Variants in RPS6KC1 observed in about 807,000 individuals in gnomAD.
RPS6KC1 encodes inactive ribosomal protein S6 kinase delta-1.
Under a neutral mutation model 103.8 loss-of-function variants are expected in RPS6KC1, and 54 were observed. The ratio of observed to expected loss-of-function variants is 0.52; its 90% CI spans 0.42 to 0.65. The LOEUF is 0.65. Among genes scored for constraint, RPS6KC1 ranks in the 30% least tolerant of loss-of-function variants. The pLI is 0.00. For missense variants in RPS6KC1, 1,151 were observed against 1,253.8 expected (o/e 0.92, Z 1.24); for synonymous variants, 439 against 438.7 (o/e 1.00, Z -0.01).
the RPS6KC1 span, among the ~76,000 whole-genome samples, chr1:213,643,260 ATCT>A: frequency 9.9e-5 from 15 of 152,092 alleles, 1 homozygote; most frequent in Admixed American, 9.8e-4. Flanking sequence ...ATTAATTTGA[ATCT>A]TCTCATCCAT....
At chr1:213,271,628 G>C (rs1316476357) in intron 14 of RPS6KC1, among the ~76,000 whole-genome samples, 1 of 152,144 alleles carries the variant, frequency 6.6e-6, no homozygotes, top group Non-Finnish European at 1.5e-5. Flanking sequence ...GCCGGGCATG[G>C]TGGCGCGCGC....
chr1:213,074,796 T>C, intron 2 of RPS6KC1, among the ~76,000 whole-genome samples: 1 of 151,022 alleles, frequency 6.6e-6, no homozygotes, highest in East Asian at 1.9e-4. Flanking sequence ...TAAATTTTGC[T>C]CCTTAAGTTT....
the RPS6KC1 span, chr1:213,492,633 T>C: frequency 2.0e-5 from 3 of 152,236 alleles, no homozygotes; most frequent in Non-Finnish European, 4.4e-5. Context: ...ACTTGTGGTG[T>C]TTGAATGTCA....
intron 6 of RPS6KC1, among the ~76,000 whole-genome samples, chr1:213,146,799 A>G (rs1336976280): frequency 6.6e-6 from 1 of 151,080 alleles, no homozygotes; most frequent in Non-Finnish European, 1.5e-5. Context: ...GCTTGTACTA[A>G]TTTACGTTCC....
the RPS6KC1 span, among the ~76,000 whole-genome samples, chr1:213,495,493 T>C: frequency 5.9e-5 from 9 of 152,310 alleles, no homozygotes; most frequent in South Asian, 1.9e-3. Context: ...GGCTAATTTT[T>C]GTATTTTTAG....
chr1:213,762,986 G>A, the RPS6KC1 span, among the ~76,000 whole-genome samples: 1 of 151,622 alleles, frequency 6.6e-6, no homozygotes, highest in Non-Finnish European at 1.5e-5. Flanking sequence ...AGCCTCCCAA[G>A]TAGCTGGGAT....
At chr1:213,414,848 A>T in the RPS6KC1 span, among the ~76,000 whole-genome samples, 3 of 152,244 alleles carry the variant, frequency 2.0e-5, no homozygotes. Context: ...CTTTTCCATA[A>T]CTTGGAAAAC....
At chr1:213,394,627 G>A in the RPS6KC1 span, among the ~76,000 whole-genome samples, 2 of 152,154 alleles carry the variant, frequency 1.3e-5, no homozygotes, top group African/African-American at 4.8e-5. Flanking sequence ...TTGCAGCCTG[G>A]GAAGTCAGGT....
chr1:213,091,185 G>A (rs550916780), intron 3 of RPS6KC1, among the ~76,000 whole-genome samples: 2 of 151,958 alleles, frequency 1.3e-5, no homozygotes, highest in Non-Finnish European at 2.9e-5. Context: ...AGCCTCCCGA[G>A]TAGCTGGGAC....
chr1:213,805,056 C>A, the RPS6KC1 span, among the ~76,000 whole-genome samples: 197 of 152,260 alleles, frequency 1.3e-3, 1 homozygote, highest in East Asian at 0.011. Flanking sequence ...GTCTAAGAAA[C>A]AATGTATATA....
the RPS6KC1 span, among the ~76,000 whole-genome samples, chr1:213,693,720 A>C: frequency 3.9e-5 from 6 of 152,230 alleles, no homozygotes; most frequent in African/African-American, 1.4e-4. Flanking sequence ...GACATTGGGA[A>C]GAATACCTTT....
At chr1:213,108,248 C>T (rs1030763174) in intron 4 of RPS6KC1, among the ~76,000 whole-genome samples, 1 of 152,070 alleles carries the variant, frequency 6.6e-6, no homozygotes, top group Non-Finnish European at 1.5e-5. Context: ...GTCTGTGATT[C>T]ATTTTTAGTT....
chr1:213,686,490 A>G, the RPS6KC1 span, among the ~76,000 whole-genome samples: 96 of 152,300 alleles, frequency 6.3e-4, 1 homozygote, highest in African/African-American at 2.1e-3. Context: ...GTAGAGAATC[A>G]GGAGAAGTGA....
chr1:213,546,514 C>G, the RPS6KC1 span: 1 of 152,094 alleles, frequency 6.6e-6, no homozygotes, highest in Non-Finnish European at 1.5e-5. Flanking sequence ...GTGGCTGTAC[C>G]CAACATATAT....
intron 8 of RPS6KC1, among the ~76,000 whole-genome samples, chr1:213,198,736 T>C (rs2093044863): frequency 6.6e-6 from 1 of 152,184 alleles, no homozygotes; most frequent in South Asian, 2.1e-4. Context: ...ACCAGATGGT[T>C]TTACTGTTGA....
At chr1:213,540,782 G>C in the RPS6KC1 span, among the ~76,000 whole-genome samples, 5 of 151,140 alleles carry the variant, frequency 3.3e-5, no homozygotes, top group African/African-American at 4.8e-5. Flanking sequence ...GTCAAAATTG[G>C]AGTCAATCCT....
intron 8 of RPS6KC1, among the ~76,000 whole-genome samples, chr1:213,198,012 G>T (rs2093018458): frequency 6.6e-6 from 1 of 151,986 alleles, no homozygotes; most frequent in Non-Finnish European, 1.5e-5. Context: ...TGAAAACCAT[G>T]GCCTTTTTTT....
At chr1:213,092,140 G>A (rs1258765363) in intron 3 of RPS6KC1, among the ~76,000 whole-genome samples, 4 of 152,158 alleles carry the variant, frequency 2.6e-5, no homozygotes, top group Non-Finnish European at 4.4e-5. Context: ...TGCTTTTGTA[G>A]TAGTATTATT....
chr1:213,483,815 G>T, the RPS6KC1 span, among the ~76,000 whole-genome samples: 6 of 152,350 alleles, frequency 3.9e-5, no homozygotes, highest in African/African-American at 1.4e-4. Context: ...CCATAGGGAA[G>T]CTAGGCGGTT....
Sources: gnomAD v4.1 joint callset for allele counts (sites outside exome capture counted in the v4.1 genomes callset) on GRCh38, gnomAD v4.1.1 for gene constraint, MANE v1.5 for transcripts, NCBI Gene and HGNC (gene_info 2026-07-23, HGNC 2026-07-21) for gene names.